OXNAD1: variants seen among roughly 807,000 people sequenced by gnomAD.
OXNAD1 encodes the protein oxidoreductase NAD-binding domain-containing protein 1.
Under a neutral mutation model 32.9 loss-of-function variants are expected in OXNAD1, and 34 were observed. That is an observed-to-expected ratio of 1.03 (90% confidence interval 0.79 to 1.38). OXNAD1 has a LOEUF of 1.38. Ranked by LOEUF, OXNAD1 falls within the 40% of genes most tolerant of loss-of-function variation. The pLI, the probability that OXNAD1 is intolerant of heterozygous loss-of-function variation, is 0.00. For synonymous variants in OXNAD1, 134 were observed against 135.2 expected (o/e 0.99, Z 0.06); for missense variants, 407 against 379.4 (o/e 1.07, Z -0.60).
At position 16,272,384 on chromosome 3, in the gene OXNAD1, T is replaced by G. The variant is rs1251637911; in HGVS notation, c.183+662T>G. ...ATATTTGATTTTGCTTTTTTGAATG[T>G]TTATCACTTACTCAGATATATTTAG... On this transcript the variant is annotated intron_variant, in intron 4 of 8. Coordinates refer to ENST00000285083, the MANE Select transcript of OXNAD1 (RefSeq NM_138381.5). The G allele has an allele frequency of 1.7e-5, 4 of 229,282 alleles. No individual in the cohort carries two copies. In the East Asian group the frequency reaches 5.2e-4, roughly 30 times the overall value. 14.2% of individuals were successfully genotyped at this position (229,282 alleles called of 1,614,324 possible).
chr3:16,310,920 G>T (rs2067928588), downstream of OXNAD1, among the ~76,000 whole-genome samples: 1 of 150,312 alleles, frequency 6.7e-6, no homozygotes, highest in Admixed American at 6.7e-5. Context: ...AACCTGGGAG[G>T]TGGAGGTTGT....
At chr3:16,340,933 A>G (rs909170317), downstream of OXNAD1, among the ~76,000 whole-genome samples, 1 of 152,260 alleles carries the variant, frequency 6.6e-6, no homozygotes, top group African/African-American at 2.4e-5. Flanking sequence ...TATCCAAAAT[A>G]TACAAAGAAT....
chr3:16,326,963 G>A (rs1411769449), intron 9 of OXNAD1: 15 of 972,166 alleles, frequency 1.5e-5, no homozygotes, highest in Middle Eastern at 3.1e-4. Flanking sequence ...CTGCCAATCC[G>A]CAAAACAGAA....
chr3:16,278,791 A>G (rs2065537414), intron 4 of OXNAD1, among the ~76,000 whole-genome samples: 1 of 152,186 alleles, frequency 6.6e-6, no homozygotes, highest in African/African-American at 2.4e-5. Context: ...TAGTTAATAA[A>G]TGGCTGGGCC....
At chr3:16,292,193 T>G (rs1383627027) in intron 5 of OXNAD1, among the ~76,000 whole-genome samples, 1 of 52,970 alleles carries the variant, frequency 1.9e-5, no homozygotes, top group African/African-American at 4.4e-5. Context: ...TCTTCTTAAC[T>G]TTTTTTTTTT....
In OXNAD1 at chr3:16,303,676, G is replaced by A. The variant is rs998262792; in HGVS notation, c.*114G>A. ...TACTTGAGTTGTCTTATTTTTTAAGGCTATAAACTTAGTGACCAGCTGGAT... is the reference window on the plus strand; with the variant it reads ...TACTTGAGTTGTCTTATTTTTTAAGACTATAAACTTAGTGACCAGCTGGAT... On this transcript the variant is annotated 3_prime_UTR_variant, in exon 9 of 9. Transcript: ENST00000285083. The surrounding 1 kb of genome is among the most constrained non-coding windows in gnomAD (Gnocchi z 4.8). 5.9e-6 allele frequency: 7 copies of A among 1,185,280 alleles called. No individual in the cohort carries two copies. Among genetic ancestry groups the A allele is most frequent in the Non-Finnish European group, 7.9e-6 (7 of 887,850 alleles). 73.4% of individuals were successfully genotyped at this position (1,185,280 alleles called of 1,614,324 possible). A position where few individuals can be genotyped will look rare whatever the true frequency, so the allele number is the denominator to read the frequency against.
chr3:16,337,420 T>G (rs572671412), downstream of OXNAD1: 2 of 152,064 alleles, frequency 1.3e-5, no homozygotes, highest in Non-Finnish European at 2.9e-5. This position sits in a 1 kb window ranked among gnomAD's most constrained non-coding sequence, Gnocchi z 5.0. Flanking sequence ...CAGGCAAACC[T>G]CTAGGAGGAA....
At chr3:16,323,844 C>CTCAG (rs1448727627) in intron 9 of OXNAD1, among the ~76,000 whole-genome samples, 1 of 152,200 alleles carries the variant, frequency 6.6e-6, no homozygotes, top group Non-Finnish European at 1.5e-5. Context: ...GGGTGATGAG[C>CTCAG]TCAGCCCTCC....
rs1036057427 is a variant in OXNAD1, at chr3:16,287,160, C to A, written c.290+712C>A. On this transcript the variant is annotated intron_variant, in intron 5 of 8. Transcript: ENST00000285083. The surrounding 1 kb of genome is among the most constrained non-coding windows in gnomAD (Gnocchi z 4.8). ...ATTGTAAGGAAAGCAACTTGAATTT[C>A]CCTAGGAAAGGTGTGTTTGGGTGTG... Among the ~76,000 whole-genome samples the A allele has an allele frequency of 6.6e-6, 1 of 152,144 alleles. No individual in the cohort carries two copies. Among genetic ancestry groups the A allele is most frequent in the Non-Finnish European group, 1.5e-5 (1 of 68,026 alleles).
rs2071900593 is a variant in OXNAD1, at chr3:16,348,744, T to TA, written c.*31-430dup. ...CCTGAGGGTTCTGTTATGGAACCCC[T>TA]AATCACCATCTCAAGTGGTTCTTTC... On this transcript the variant is annotated intron_variant, in intron 9 of 9. Coordinates refer to the OXNAD1 transcript ENST00000606098. The surrounding 1 kb of genome is among the most constrained non-coding windows in gnomAD (Gnocchi z 6.3). Among the ~76,000 whole-genome samples the TA allele has an allele frequency of 6.6e-6, 1 of 152,206 alleles. No individual in the cohort carries two copies.
intron 9 of OXNAD1, chr3:16,323,226 T>G: frequency 3.2e-6 from 2 of 619,558 alleles, no homozygotes; most frequent in African/African-American, 1.9e-5. Context: ...CAGCCTGAGA[T>G]GTGATTCGGG....
chr3:16,349,825 G>C (rs1394230316), exon 10 of OXNAD1: 1 of 152,244 alleles, frequency 6.6e-6, no homozygotes, highest in African/African-American at 2.4e-5. Flanking sequence ...TGGCTTACAT[G>C]ACTGTGGAGG....
At chr3:16,318,463 A>C (rs1376232064) in intron 9 of OXNAD1, among the ~76,000 whole-genome samples, 1 of 152,146 alleles carries the variant, frequency 6.6e-6, no homozygotes, top group African/African-American at 2.4e-5. Flanking sequence ...GTATGTTGTA[A>C]ATCATTCTGA....
intron 9 of OXNAD1, among the ~76,000 whole-genome samples, chr3:16,311,174 C>T (rs1251542619): frequency 7.2e-6 from 1 of 138,938 alleles, no homozygotes; most frequent in Non-Finnish European, 1.5e-5. Flanking sequence ...TTCTTTGGGT[C>T]TTTTTTTAAA....
chr3:16,316,399 A>G lies in OXNAD1; in HGVS notation c.*30+12807A>G. 4.9e-6 allele frequency: 1 copy of G among 203,662 alleles called. No individual in the cohort carries two copies. Among genetic ancestry groups the G allele is most frequent in the Non-Finnish European group, 9.8e-6 (1 of 102,440 alleles). 12.6% of individuals were successfully genotyped at this position (203,662 alleles called of 1,614,324 possible). On this transcript the variant is annotated intron_variant, in intron 9 of 9. Transcript: ENST00000435829. The surrounding 1 kb of genome is among the most constrained non-coding windows in gnomAD (Gnocchi z 4.5). ...AGTTGTTAAGTCACCAAGTAGCTGC[A>G]GGGGATGGACACTGCCCCACACGAT...
intron 9 of OXNAD1, among the ~76,000 whole-genome samples, chr3:16,315,149 C>G (rs1355914841): frequency 6.6e-6 from 1 of 152,186 alleles, no homozygotes; most frequent in East Asian, 1.9e-4. Flanking sequence ...TGGAGTCTTG[C>G]TCTGTGCCCA....
chr3:16,330,523 C>G (rs1433387242), intron 9 of OXNAD1, among the ~76,000 whole-genome samples: 1 of 152,202 alleles, frequency 6.6e-6, no homozygotes, highest in Non-Finnish European at 1.5e-5. Context: ...CAACAACACT[C>G]AAAAGCCAGC....
At chr3:16,270,144 C>T (rs2064819777) in intron 2 of OXNAD1, among the ~76,000 whole-genome samples, 1 of 152,132 alleles carries the variant, frequency 6.6e-6, no homozygotes, top group South Asian at 2.1e-4. Flanking sequence ...GTGAAAATAC[C>T]CATGCAATCC....
At position 16,317,719 on chromosome 3, in the gene OXNAD1, C is replaced by T. The variant is rs1035879140; in HGVS notation, c.*30+14127C>T. 6.6e-6 allele frequency among the ~76,000 whole-genome samples: 1 copy of T among 152,164 alleles called. No homozygotes were observed. Among genetic ancestry groups the T allele is most frequent in the Non-Finnish European group, 1.5e-5 (1 of 68,038 alleles). The stretch of plus-strand genomic sequence containing the variant: ...CCCAGAACATGGGGCAGACACTGTG[C>T]TGTACCGCTCAGATCCCCCCACAGG... On this transcript the variant is annotated intron_variant, in intron 9 of 9. Transcript: ENST00000435829. This position sits in a 1 kb window ranked among gnomAD's most constrained non-coding sequence, Gnocchi z 4.3.
Sources: allele counts gnomAD v4.1 joint callset (sites outside exome capture counted in the v4.1 genomes callset), GRCh38; gene constraint gnomAD v4.1.1; non-coding constraint Gnocchi (gnomAD v3.1); transcripts MANE v1.5; gene names NCBI Gene and HGNC (gene_info 2026-07-23, HGNC 2026-07-21).